The following GLCE variants were observed in gnomAD, a reference collection of about 807,000 sequenced individuals.
GLCE encodes the protein glucuronic acid epimerase, also known as D-glucuronyl C5-epimerase.
GLCE carries 19 observed loss-of-function variants against 47.9 expected under a neutral mutation model. That is an observed-to-expected ratio of 0.40 (90% CI 0.28 to 0.58). GLCE has a LOEUF of 0.58. GLCE is among the 20% of genes least tolerant of loss of function. The pLI, the probability that GLCE is intolerant of heterozygous loss-of-function variation, is 0.48. For synonymous variants in GLCE, 245 were observed against 263.4 expected, an observed-to-expected ratio of 0.93 and a Z score of 0.68; for missense variants, 556 against 743.3, an observed-to-expected ratio of 0.75 and a Z score of 2.93.
At chr15:69,225,553 G>A (rs957006103) in intron 2 of GLCE, among the ~76,000 whole-genome samples, 1 of 152,044 alleles carries the variant, frequency 6.6e-6, no homozygotes, top group African/African-American at 2.4e-5. Context: ...ATTTTTTTGT[G>A]GAATAATGAA....
At chr15:69,198,715 A>G (rs2052032396) in intron 1 of GLCE, among the ~76,000 whole-genome samples, 1 of 152,100 alleles carries the variant, frequency 6.6e-6, no homozygotes, top group Non-Finnish European at 1.5e-5. Context: ...CACTGTTGCC[A>G]TATTTTCTTT....
chr15:69,241,495 G>A (rs1472302845), intron 2 of GLCE, among the ~76,000 whole-genome samples: 6 of 152,170 alleles, frequency 3.9e-5, no homozygotes, highest in African/African-American at 1.4e-4. Context: ...TGATTCAAGA[G>A]TTAACTAAAG....
At position 69,268,241 on chromosome 15, in the gene GLCE, T is replaced by A; in HGVS notation, c.851T>A (p.Leu284Ter). Residue 284 changes from leucine (L) to a stop codon, truncating the protein, a stop_gained, in exon 5 of 5, where the codon TTG becomes TAG. Transcript: ENST00000261858. LOFTEE classifies it high-confidence loss of function. ...ACAGAAACCAGTGAAGGTGTATCCT[T>A]GCAACTGGGAAACACAAAAGATTTT... ...IAPETSEGVSLQLGNTKDFII... is the reference protein window; with the variant it reads ...IAPETSEGVS 2 of 1,606,920 alleles carry A rather than the reference T, an allele frequency of 1.2e-6. No individual in the cohort carries two copies. Among genetic ancestry groups the A allele is most frequent in the Non-Finnish European group, 1.7e-6 (2 of 1,176,138 alleles).
At position 69,269,343 on chromosome 15, in the gene GLCE, G is replaced by C; in HGVS notation, c.*99G>C. On this transcript the variant is annotated 3_prime_UTR_variant, in exon 5 of 5. Coordinates refer to ENST00000261858, the MANE Select transcript of GLCE (RefSeq NM_015554.3). ...GCACATTTTAAAAGGTTATGTACTAGGTTTTTGTGGATTCTATCAAAGTGA... is the reference window on the plus strand; with the variant it reads ...GCACATTTTAAAAGGTTATGTACTACGTTTTTGTGGATTCTATCAAAGTGA... The C allele has an allele frequency of 1.1e-6, 1 of 908,062 alleles. No individual in the cohort carries two copies. Among genetic ancestry groups the C allele is most frequent in the South Asian group, 1.7e-5 (1 of 59,746 alleles). 56.3% of individuals were successfully genotyped at this position (908,062 alleles called of 1,614,324 possible).
intron 3 of GLCE, 100 bp downstream of exon 3, chr15:69,256,492 A>G (rs1054643892): frequency 1.3e-5 from 11 of 832,832 alleles, no homozygotes; most frequent in Non-Finnish European, 1.9e-5. Context: ...CTTACTGTCA[A>G]AAGACCTTTC....
rs954481599 is a variant in GLCE at position 69,270,225 on chromosome 15, A to G, written c.*981A>G. 10 of 152,292 alleles carry G rather than the reference A, an allele frequency of 6.6e-5. No homozygotes were observed. The highest frequency in any genetic ancestry group is 2.4e-4 in the African/African-American group (10 of 41,562). The allele number at this position is 152,292 out of a possible 1,614,324, so 9.4% of individuals were successfully genotyped here. ...AAATAAAAATATTAGATCAAATACT[A>G]TATGCAAGAAATCATAGCAAAGTTT... On this transcript the variant is annotated 3_prime_UTR_variant, in exon 5 of 5. Transcript: ENST00000261858.
chr15:69,252,436 T>C (rs1287759792), intron 2 of GLCE, among the ~76,000 whole-genome samples: 1 of 152,194 alleles, frequency 6.6e-6, no homozygotes, highest in African/African-American at 2.4e-5. Flanking sequence ...GCAATGCTTT[T>C]AAGCAATCAG....
At chr15:69,209,140 A>G (rs760497982) in intron 1 of GLCE, among the ~76,000 whole-genome samples, 6 of 146,544 alleles carry the variant, frequency 4.1e-5, no homozygotes, top group African/African-American at 1.3e-4. Context: ...TTTATCTTCT[A>G]TTTTTTTTTC....
At chr15:69,223,949 T>G (rs189084835) in intron 2 of GLCE, among the ~76,000 whole-genome samples, 1 of 152,334 alleles carries the variant, frequency 6.6e-6, no homozygotes, top group East Asian at 1.9e-4. Flanking sequence ...ACTTACACGT[T>G]TTTCATACAT....
chr15:69,167,748 A>G (rs1595731644), intron 1 of GLCE, among the ~76,000 whole-genome samples: 1 of 152,236 alleles, frequency 6.6e-6, no homozygotes. Flanking sequence ...AGAAATTTCT[A>G]TATAGAAAAG....
At chr15:69,230,840 A>G (rs571843677) in intron 2 of GLCE, among the ~76,000 whole-genome samples, 1 of 152,352 alleles carries the variant, frequency 6.6e-6, no homozygotes, top group Non-Finnish European at 1.5e-5. Context: ...TTCAAAATGC[A>G]TATCACTGGG....
chr15:69,231,264 AC>A (rs2052516717), intron 2 of GLCE, among the ~76,000 whole-genome samples: 1 of 150,046 alleles, frequency 6.7e-6, no homozygotes, highest in East Asian at 2.0e-4. Flanking sequence ...TGCCTTTGCT[AC>A]CTAGTGTTTT....
At chr15:69,182,259 C>T (rs1413192084) in intron 1 of GLCE, among the ~76,000 whole-genome samples, 1 of 150,338 alleles carries the variant, frequency 6.7e-6, no homozygotes, top group Non-Finnish European at 1.5e-5. Context: ...ATTTATCAGA[C>T]ATCGTGTATT....
At chr15:69,228,101 T>A (rs1165790661) in intron 2 of GLCE, among the ~76,000 whole-genome samples, 3 of 152,238 alleles carry the variant, frequency 2.0e-5, no homozygotes, top group African/African-American at 7.2e-5. Flanking sequence ...ATGTTCTTTC[T>A]CTACTGAAGT....
At chr15:69,244,848 A>G (rs183008958) in intron 2 of GLCE, among the ~76,000 whole-genome samples, 37 of 152,306 alleles carry the variant, frequency 2.4e-4, no homozygotes, top group Admixed American at 1.1e-3. Flanking sequence ...CTTTTCATCT[A>G]TGAAATTCAA....
intron 1 of GLCE, among the ~76,000 whole-genome samples, chr15:69,208,628 A>T (rs1403407394): frequency 6.6e-6 from 1 of 152,000 alleles, no homozygotes; most frequent in Non-Finnish European, 1.5e-5. Context: ...TTCCATAATA[A>T]TCTTGGCATC....
At chr15:69,216,889 C>T (rs1434747729) in intron 2 of GLCE, among the ~76,000 whole-genome samples, 1 of 150,216 alleles carries the variant, frequency 6.7e-6, no homozygotes, top group Non-Finnish European at 1.5e-5. Flanking sequence ...GAGATTGTTT[C>T]CTATTTCAGT....
chr15:69,183,849 A>G (rs2051785200), intron 1 of GLCE, among the ~76,000 whole-genome samples: 1 of 152,214 alleles, frequency 6.6e-6, no homozygotes, highest in Non-Finnish European at 1.5e-5. Context: ...TGGTATGAGG[A>G]GTTGGGAGGG....
At chr15:69,165,505 C>CTTTTTTT (rs1172987241) in intron 1 of GLCE, among the ~76,000 whole-genome samples, 1 of 84,624 alleles carries the variant, frequency 1.2e-5, no homozygotes, top group African/African-American at 4.9e-5. Flanking sequence ...GCACTGTCTG[C>CTTTTTTT]TTTTTTTTTT....
Sources: allele counts gnomAD v4.1 joint callset (sites outside exome capture counted in the v4.1 genomes callset), GRCh38; gene constraint gnomAD v4.1.1; transcripts MANE v1.5; gene names NCBI Gene and HGNC (gene_info 2026-07-23, HGNC 2026-07-21).